NDST3: variants seen among roughly 807,000 people sequenced by gnomAD.
NDST3 encodes the protein bifunctional heparan sulfate N-deacetylase/N-sulfotransferase 3.
In NDST3, 58 loss-of-function variants were observed where a neutral mutation model predicts 96.1. The ratio of observed to expected loss-of-function variants is 0.60; its 90% CI spans 0.49 to 0.75. The LOEUF (loss-of-function observed/expected upper bound fraction) is 0.75. NDST3 is among the 30% of genes least tolerant of loss of function. The pLI, the probability that NDST3 is intolerant of heterozygous loss-of-function variation, is 0.00. For missense variants in NDST3, 788 were observed against 1,034.2 expected (o/e 0.76, Z 3.27); for synonymous variants, 333 against 359.7 (o/e 0.93, Z 0.84).
At chr4:118,171,741 A>G (rs1220433842) in intron 6 of NDST3, among the ~76,000 whole-genome samples, 1 of 152,136 alleles carries the variant, frequency 6.6e-6, no homozygotes, top group Non-Finnish European at 1.5e-5. Flanking sequence ...CTTTCCAGGG[A>G]GGTATTATAA....
At chr4:118,113,141 A>G (rs1009943243) in intron 3 of NDST3, among the ~76,000 whole-genome samples, 3 of 152,180 alleles carry the variant, frequency 2.0e-5, no homozygotes, top group African/African-American at 7.2e-5. Flanking sequence ...TAAAATAGGT[A>G]CTGCTGTCCA....
At chr4:118,134,248 G>T (rs1434402978) in intron 4 of NDST3, among the ~76,000 whole-genome samples, 5 of 152,194 alleles carry the variant, frequency 3.3e-5, no homozygotes, top group African/African-American at 1.2e-4. Context: ...GTGAAGGATG[G>T]AGGGTGGCAC....
At chr4:118,255,566 T>C (rs1159300479) in intron 13 of NDST3, 27 bp from the exon 14 acceptor site, 4 of 1,587,474 alleles carry the variant, frequency 2.5e-6, no homozygotes, top group Non-Finnish European at 3.4e-6. Flanking sequence ...AAATAAAATG[T>C]ACTTTTCTCT....
chr4:118,173,909 C>A (rs1314219621), intron 6 of NDST3, among the ~76,000 whole-genome samples: 2 of 152,136 alleles, frequency 1.3e-5, no homozygotes, highest in African/African-American at 4.8e-5. Flanking sequence ...ACTGAGAAAG[C>A]AATATCCAGA....
chr4:118,040,849 ATATATATTTATATATTTT>A (rs1724405271), intron 1 of NDST3, among the ~76,000 whole-genome samples: 8 of 90,548 alleles, frequency 8.8e-5, no homozygotes, highest in Non-Finnish European at 8.1e-5. Flanking sequence ...ACTAATTTAT[ATATATATTTATATATTTT>A]TATATATATA....
chr4:118,061,019 C>T (rs1440349210), intron 2 of NDST3, among the ~76,000 whole-genome samples: 1 of 152,118 alleles, frequency 6.6e-6, no homozygotes, highest in Non-Finnish European at 1.5e-5. Flanking sequence ...ACACCTTACC[C>T]CTTTCTGTAA....
rs1042305483 is a variant in NDST3 at position 118,196,731 on chromosome 4, CT to C, written c.1540-27751del. On this transcript the variant is annotated intron_variant, in intron 6 of 13. Coordinates refer to ENST00000296499, the MANE Select transcript of NDST3 (RefSeq NM_004784.3). ...CTCTGATTTTACATATTTGGATCTT[CT>C]TTTTTTTTCTTAGGCAAGCTAAAAG... Among the ~76,000 whole-genome samples the C allele has an allele frequency of 1.5e-4, 22 of 150,778 alleles. 1 individual carries two copies. The highest frequency in any genetic ancestry group is 7.8e-4 in the East Asian group (4 of 5,138).
Position 118,188,564 on chromosome 4 carries a change from A to C in NDST3, c.1540-35927A>C, listed in dbSNP as rs371372910. On this transcript the variant is annotated intron_variant, in intron 6 of 13. Coordinates refer to ENST00000296499, the MANE Select transcript of NDST3 (RefSeq NM_004784.3). The stretch of plus-strand genomic sequence containing the variant: ...TAATTTGACTTGCACCATGGAGTTT[A>C]TTCAAATTGCATATCTAAACAGTAG... Among the ~76,000 whole-genome samples, 27 of 152,272 alleles carry C rather than the reference A, an allele frequency of 1.8e-4. No individual in the cohort carries two copies. In the East Asian group the frequency reaches 4.8e-3, roughly 27 times the overall value.
intron 2 of NDST3, among the ~76,000 whole-genome samples, chr4:118,081,752 T>C (rs926868771): frequency 6.6e-6 from 1 of 152,184 alleles, no homozygotes; most frequent in African/African-American, 2.4e-5. Flanking sequence ...TTACAATTTA[T>C]TAGCTGTGAA....
At chr4:118,118,830 T>C (rs539382878) in intron 4 of NDST3, among the ~76,000 whole-genome samples, 1 of 152,314 alleles carries the variant, frequency 6.6e-6, no homozygotes, top group African/African-American at 2.4e-5. Context: ...ATATCAACTG[T>C]ACAGTGTGTA....
At chr4:118,201,369 C>A (rs1019913150) in intron 6 of NDST3, among the ~76,000 whole-genome samples, 1 of 152,180 alleles carries the variant, frequency 6.6e-6, no homozygotes, top group Admixed American at 6.5e-5. Context: ...AGATTGCTTT[C>A]CACAGTGGCT....
intron 6 of NDST3, among the ~76,000 whole-genome samples, chr4:118,149,369 G>C (rs574078411): frequency 7.8e-4 from 119 of 152,122 alleles, no homozygotes; most frequent in African/African-American, 2.6e-3. Context: ...TCACGATATT[G>C]ATTCTTCCTA....
At chr4:118,123,163 C>A (rs1034571658) in intron 4 of NDST3, among the ~76,000 whole-genome samples, 1 of 152,130 alleles carries the variant, frequency 6.6e-6, no homozygotes, top group African/African-American at 2.4e-5. Context: ...CTTGTGTTTG[C>A]GATCTCAGTG....
chr4:118,197,803 CTT>C lies in NDST3; in HGVS notation c.1540-26674_1540-26673del, dbSNP rs749135213. ...TTTTTGTTTATTTTTTGGCTTTTGG[CTT>C]TTTTTTTTTTTTTGAGATGGAGTCT... is the stretch of plus-strand genomic sequence containing the variant. On this transcript the variant is annotated intron_variant, in intron 6 of 13. Coordinates refer to ENST00000296499, the MANE Select transcript of NDST3 (RefSeq NM_004784.3). Among the ~76,000 whole-genome samples the C allele has an allele frequency of 4.4e-3, 554 of 127,252 alleles. 2 individuals are homozygous for C. Among genetic ancestry groups the C allele is most frequent in the African/African-American group, 0.015 (518 of 34,376 alleles). 83.5% of individuals were successfully genotyped at this position (127,252 alleles called of 152,430 possible).
chr4:118,180,671 G>C (rs570958960), intron 6 of NDST3, among the ~76,000 whole-genome samples: 1 of 152,280 alleles, frequency 6.6e-6, no homozygotes, highest in Non-Finnish European at 1.5e-5. Flanking sequence ...AAGCACCACA[G>C]GATTGGGTCA....
chr4:118,109,384 A>G (rs1465479994), intron 3 of NDST3, among the ~76,000 whole-genome samples: 1 of 152,178 alleles, frequency 6.6e-6, no homozygotes, highest in Non-Finnish European at 1.5e-5. Flanking sequence ...AAATACAAGA[A>G]AACACTCCTG....
chr4:118,187,562 T>C (rs1578786201), intron 6 of NDST3, among the ~76,000 whole-genome samples: 1 of 152,258 alleles, frequency 6.6e-6, no homozygotes, highest in African/African-American at 2.4e-5. Flanking sequence ...AGGCATAAGG[T>C]TGTCCATGTG....
chr4:118,102,705 T>A (rs557193467), intron 2 of NDST3, among the ~76,000 whole-genome samples: 52 of 152,210 alleles, frequency 3.4e-4, no homozygotes, highest in African/African-American at 1.1e-3. Flanking sequence ...AATATATTTT[T>A]AAAAGGTGGG....
At chr4:118,079,971 T>C (rs895034537) in intron 2 of NDST3, among the ~76,000 whole-genome samples, 4 of 152,156 alleles carry the variant, frequency 2.6e-5, no homozygotes, top group African/African-American at 7.2e-5. Flanking sequence ...GTTCCTCCAG[T>C]TGGGGAGCCC....
Sources: gnomAD v4.1 joint callset for allele counts (sites outside exome capture counted in the v4.1 genomes callset) on GRCh38, gnomAD v4.1.1 for gene constraint, MANE v1.5 for transcripts, NCBI Gene and HGNC (gene_info 2026-07-23, HGNC 2026-07-21) for gene names.